The following EXO1 variants were observed in gnomAD, a reference collection of about 807,000 sequenced individuals.
EXO1 encodes exonuclease 1.
Under a neutral mutation model 84.5 loss-of-function variants are expected in EXO1, and 69 were observed. That is an observed-to-expected ratio of 0.82 (90% CI 0.67 to 1.00). EXO1 has a LOEUF of 1.00. EXO1 is among the 50% of genes least tolerant of loss of function. The pLI is 0.00. For missense variants in EXO1, 1,045 were observed against 1,000.7 expected (o/e 1.04, Z -0.60); for synonymous variants, 373 against 366.1 (o/e 1.02, Z -0.21).
Position 241,872,105 on chromosome 1 carries a change from T to C in EXO1, c.1341T>C (p.Ser447=). The change falls in exon 12 of 16, where the codon TCT becomes TCC. Residue 447 remains serine (S), a synonymous_variant. Coordinates refer to ENST00000366548, the MANE Select transcript of EXO1 (RefSeq NM_130398.4). ...CGAAGAAGACCAAGAAAAATAGCTC[T>C]GAAGGCAATAAATCATTGAGCTTTT... ...SFTKKTKKNS[S]EGNKSLSFSE... is the part of the protein sequence containing the mutation. The C allele has an allele frequency of 6.2e-7, 1 of 1,613,868 alleles. No individual in the cohort carries two copies. Among genetic ancestry groups the C allele is most frequent in the Non-Finnish European group, 8.5e-7 (1 of 1,179,778 alleles).
intron 10 of EXO1, among the ~76,000 whole-genome samples, chr1:241,865,549 G>A (rs1273339366): frequency 6.6e-6 from 1 of 151,964 alleles, no homozygotes; most frequent in Non-Finnish European, 1.5e-5. Flanking sequence ...CTTTTCCTTT[G>A]TCTCAGAAAC....
chr1:241,863,062 T>C (rs1661491523), intron 10 of EXO1, among the ~76,000 whole-genome samples: 1 of 152,130 alleles, frequency 6.6e-6, no homozygotes, highest in Admixed American at 6.5e-5. Context: ...TATTCCAGGC[T>C]CTGTGGAAAT....
At position 241,869,577 on chromosome 1, in the gene EXO1, G is replaced by A. The variant is rs4149954; in HGVS notation, c.1268-2455G>A. 7.7e-3 allele frequency among the ~76,000 whole-genome samples: 1,179 copies of A among 152,150 alleles called. 14 individuals carry two copies. The highest frequency in any genetic ancestry group is 0.027 in the African/African-American group (1,134 of 41,526). ...AAGCATAGATTATACATATTCGGCC[G>A]AAATATCCTGATTCCTTATGAACCT... On this transcript the variant is annotated intron_variant, in intron 11 of 15. Coordinates refer to ENST00000366548, the MANE Select transcript of EXO1 (RefSeq NM_130398.4).
chr1:241,872,704 A>G (rs1662185428), intron 12 of EXO1, among the ~76,000 whole-genome samples: 1 of 152,220 alleles, frequency 6.6e-6, no homozygotes, highest in Admixed American at 6.5e-5. Context: ...TTATGACTGC[A>G]TAGTATTACA....
intron 12 of EXO1, among the ~76,000 whole-genome samples, chr1:241,872,976 G>A (rs1662197851): frequency 6.6e-6 from 1 of 152,102 alleles, no homozygotes; most frequent in African/African-American, 2.4e-5. Flanking sequence ...CACCAACAGT[G>A]TAAAAGCATT....
At chr1:241,851,237 C>CA (rs946955448) in intron 4 of EXO1, among the ~76,000 whole-genome samples, 11 of 152,124 alleles carry the variant, frequency 7.2e-5, no homozygotes, top group African/African-American at 2.4e-4. Flanking sequence ...TCCTGGTTAG[C>CA]AAAAAAACAA....
In EXO1 at chr1:241,878,613, A is replaced by G. The variant is rs1662544540; in HGVS notation, c.1515-136A>G. On this transcript the variant is annotated intron_variant, in intron 12 of 15. Coordinates refer to ENST00000366548, the MANE Select transcript of EXO1 (RefSeq NM_130398.4). Reference sequence around the variant, plus strand: ...TTTTGACTAAAATTTAAGATTTTTTATGCCTTTATGAAATTATATATTTAT... The same window carrying G: ...TTTTGACTAAAATTTAAGATTTTTTGTGCCTTTATGAAATTATATATTTAT... 28 of 607,294 alleles carry G rather than the reference A, an allele frequency of 4.6e-5. No homozygotes were observed. The South Asian group carries it at 5.8e-4, about 13-fold the overall frequency. The allele number at this position is 607,294 out of a possible 1,614,324, so 37.6% of individuals were successfully genotyped here. A position where few individuals can be genotyped will look rare whatever the true frequency, so the allele number is the denominator to read the frequency against.
chr1:241,851,106 A>G (rs1660647464), intron 4 of EXO1, among the ~76,000 whole-genome samples: 3 of 152,192 alleles, frequency 2.0e-5, no homozygotes, highest in Admixed American at 2.0e-4. Context: ...CTGAGATTAC[A>G]GGCGTGAGCC....
chr1:241,853,299 CA>C, intron 5 of EXO1, 58 bp from the exon 6 acceptor site: 1 of 1,578,232 alleles, frequency 6.3e-7, no homozygotes, highest in Non-Finnish European at 8.7e-7. Context: ...AGTTCTGTTA[CA>C]GTTTCTTGAG....
At chr1:241,886,045 G>A (rs562626841) in intron 15 of EXO1, among the ~76,000 whole-genome samples, 1 of 152,144 alleles carries the variant, frequency 6.6e-6, no homozygotes, top group African/African-American at 2.4e-5. Flanking sequence ...TAGACACGAG[G>A]TTTCTCCATG....
At chr1:241,864,831 AT>A (rs1661614317) in intron 10 of EXO1, among the ~76,000 whole-genome samples, 1 of 151,184 alleles carries the variant, frequency 6.6e-6, no homozygotes, top group Non-Finnish European at 1.5e-5. Context: ...GAAAAGTGCT[AT>A]CTTTACACAG....
At chr1:241,856,579 G>A (rs1017637096) in intron 6 of EXO1, among the ~76,000 whole-genome samples, 2 of 151,942 alleles carry the variant, frequency 1.3e-5, no homozygotes, top group African/African-American at 2.4e-5. Flanking sequence ...GACATTGCTG[G>A]ATATGGTCTA....
At chr1:241,879,403 G>C (rs1574179471) in intron 13 of EXO1, 60 bp downstream of exon 13, 1 of 1,051,116 alleles carries the variant, frequency 9.5e-7, no homozygotes, top group Middle Eastern at 2.2e-4. Context: ...ATAGATTGTT[G>C]CTCAAACTGA....
chr1:241,875,648 G>A (rs547498478), intron 12 of EXO1, among the ~76,000 whole-genome samples: 3 of 152,296 alleles, frequency 2.0e-5, no homozygotes, highest in African/African-American at 7.2e-5. Context: ...GGAGGCCAAG[G>A]CGGTCGGATC....
chr1:241,880,509 A>G (rs1662691659), intron 13 of EXO1, among the ~76,000 whole-genome samples: 1 of 152,142 alleles, frequency 6.6e-6, no homozygotes, highest in South Asian at 2.1e-4. Context: ...TTATGTACTA[A>G]TGGTTATAGA....
intron 10 of EXO1, among the ~76,000 whole-genome samples, chr1:241,865,454 AC>A (rs1310150680): frequency 6.6e-6 from 1 of 150,774 alleles, no homozygotes; most frequent in Non-Finnish European, 1.5e-5. Flanking sequence ...CAGGTGATCC[AC>A]CTGCCTCAGC....
intron 6 of EXO1, among the ~76,000 whole-genome samples, chr1:241,855,861 C>T (rs932203397): frequency 3.9e-5 from 6 of 152,242 alleles, no homozygotes; most frequent in African/African-American, 1.2e-4. Flanking sequence ...CAGGGCCGGC[C>T]GGCTGCTCTG....
chr1:241,886,620 G>A (rs1268085645), intron 15 of EXO1, among the ~76,000 whole-genome samples: 1 of 152,018 alleles, frequency 6.6e-6, no homozygotes, highest in Non-Finnish European at 1.5e-5. Flanking sequence ...TTCTTTTCAG[G>A]AATGCTTTAT....
intron 11 of EXO1, among the ~76,000 whole-genome samples, chr1:241,869,574 G>T (rs925247206): frequency 7.9e-5 from 12 of 152,160 alleles, no homozygotes; most frequent in Middle Eastern, 6.8e-3. Context: ...TACATATTCG[G>T]CCGAAATATC....
Sources: gnomAD v4.1 joint callset for allele counts (sites outside exome capture counted in the v4.1 genomes callset) on GRCh38, gnomAD v4.1.1 for gene constraint, MANE v1.5 for transcripts, NCBI Gene and HGNC (gene_info 2026-07-23, HGNC 2026-07-21) for gene names.